ANGPT2: variants seen among roughly 807,000 people sequenced by gnomAD.
ANGPT2 encodes the protein angiopoietin-2.
In ANGPT2, 28 loss-of-function variants were observed where a neutral mutation model predicts 62.9. That is an observed-to-expected ratio of 0.44 (90% CI 0.33 to 0.61). ANGPT2 has a LOEUF of 0.61. ANGPT2 is among the 20% of genes least tolerant of loss of function. ANGPT2 has a pLI of 0.03. For missense variants in ANGPT2, 727 were observed against 594.9 expected, an observed-to-expected ratio of 1.22 and a Z score of -2.31; for synonymous variants, 284 against 207.8, an observed-to-expected ratio of 1.37 and a Z score of -3.15.
At chr8:6,536,283 C>T (rs946419742) in intron 1 of ANGPT2, among the ~76,000 whole-genome samples, 11 of 152,060 alleles carry the variant, frequency 7.2e-5, no homozygotes, top group Non-Finnish European at 1.3e-4. Flanking sequence ...GTATGGGAAT[C>T]GCTGTGTCGG....
At chr8:6,541,032 CCGAGGAGG>C (rs1235525697) in intron 1 of ANGPT2, among the ~76,000 whole-genome samples, 20 of 59,822 alleles carry the variant, frequency 3.3e-4, no homozygotes, top group African/African-American at 7.9e-4. Flanking sequence ...TGCGAGAGTG[CCGAGGAGG>C]CTCTCATGGG....
intron 1 of ANGPT2, among the ~76,000 whole-genome samples, chr8:6,550,586 C>T (rs1823466975): frequency 6.6e-6 from 1 of 152,144 alleles, no homozygotes; most frequent in Non-Finnish European, 1.5e-5. Flanking sequence ...GGTGTGACAG[C>T]TGTGGGCTGT....
At chr8:6,504,550 TTAA>T (rs759262139) in intron 8 of ANGPT2, among the ~76,000 whole-genome samples, 1 of 152,080 alleles carries the variant, frequency 6.6e-6, no homozygotes, top group Non-Finnish European at 1.5e-5. Context: ...CTTATTTGAC[TTAA>T]TAATGGCCCC....
chr8:6,561,866 G>A (rs768732146), intron 1 of ANGPT2, among the ~76,000 whole-genome samples: 10 of 152,168 alleles, frequency 6.6e-5, no homozygotes, highest in Non-Finnish European at 1.0e-4. Context: ...GAAACAGTGG[G>A]ATCATCTGTG....
At position 6,527,679 on chromosome 8, in the gene ANGPT2, A is replaced by G. The variant is rs1240104971; in HGVS notation, c.445-3T>C. On this transcript the variant is annotated splice_polypyrimidine_tract_variant and splice_region_variant and intron_variant, in intron 2 of 8. Coordinates refer to ENST00000629816, the MANE Select transcript of ANGPT2 (RefSeq NM_001118887.2). Reference sequence around the variant, plus strand: ...AGTCTCGTGGTCTGATTTAATACCTAAATGTAACAAAATGAAGTTCCTATT... The same window carrying G: ...AGTCTCGTGGTCTGATTTAATACCTGAATGTAACAAAATGAAGTTCCTATT... The G allele has an allele frequency of 2.5e-6, 4 of 1,597,778 alleles. No homozygotes were observed. The highest frequency in any genetic ancestry group is 1.4e-5 in the African/African-American group (1 of 73,968).
intron 1 of ANGPT2, among the ~76,000 whole-genome samples, chr8:6,537,659 A>C (rs889433558): frequency 2.6e-5 from 4 of 152,116 alleles, no homozygotes; most frequent in African/African-American, 9.7e-5. Flanking sequence ...CAGGAAAAAT[A>C]GGTCCATTTG....
chr8:6,520,400 C>A (rs1232584468), intron 4 of ANGPT2, among the ~76,000 whole-genome samples: 1 of 152,054 alleles, frequency 6.6e-6, no homozygotes, highest in East Asian at 1.9e-4. Flanking sequence ...GTATCATGAC[C>A]CCATTGCCTG....
intron 4 of ANGPT2, among the ~76,000 whole-genome samples, chr8:6,520,473 G>T (rs538718677): frequency 6.6e-6 from 1 of 151,820 alleles, no homozygotes; most frequent in Non-Finnish European, 1.5e-5. Context: ...TCAGCTTACC[G>T]CATCCTCCTC....
chr8:6,540,469 T>C (rs1345826905), intron 1 of ANGPT2, among the ~76,000 whole-genome samples: 1 of 152,226 alleles, frequency 6.6e-6, no homozygotes, highest in Admixed American at 6.5e-5. Context: ...TTAGAGGTCT[T>C]GTAGGGCACA....
At chr8:6,514,569 G>T in intron 6 of ANGPT2, 108 bp downstream of exon 6, 2 of 969,898 alleles carry the variant, frequency 2.1e-6, no homozygotes, top group Non-Finnish European at 3.2e-6. Context: ...TAAAAACCAT[G>T]TCAAAAGTCA....
At chr8:6,530,586 A>G (rs1001187959) in intron 2 of ANGPT2, among the ~76,000 whole-genome samples, 4 of 150,920 alleles carry the variant, frequency 2.7e-5, no homozygotes, top group East Asian at 3.9e-4. Flanking sequence ...CGCTTTAGAT[A>G]TATATTGATA....
rs377585128 is a variant in ANGPT2, at chr8:6,540,360, T to C, written c.289-7873A>G. ...TATTTCTCATCAATAGCAGGCATTT[T>C]AAATATATGTAAGTTTAAGGAGACT... On this transcript the variant is annotated intron_variant, in intron 1 of 8. Transcript: ENST00000629816. Among the ~76,000 whole-genome samples, 5 of 152,358 alleles carry C rather than the reference T, an allele frequency of 3.3e-5. No homozygotes were observed. In the South Asian group the frequency reaches 1.0e-3, roughly 32 times the overall value.
At chr8:6,503,607 C>G (rs758501034) in intron 8 of ANGPT2, among the ~76,000 whole-genome samples, 1 of 152,216 alleles carries the variant, frequency 6.6e-6, no homozygotes, top group Admixed American at 6.5e-5. Context: ...TTGGAAAACT[C>G]TCCTTCAACC....
chr8:6,542,662 G>A (rs1586512842), intron 1 of ANGPT2, among the ~76,000 whole-genome samples: 1 of 151,626 alleles, frequency 6.6e-6, no homozygotes, highest in African/African-American at 2.4e-5. Context: ...TTGAAATGAA[G>A]TATAAAGATA....
At chr8:6,556,494 GTTTAA>G (rs1392585985) in intron 1 of ANGPT2, among the ~76,000 whole-genome samples, 3 of 94,954 alleles carry the variant, frequency 3.2e-5, no homozygotes, top group Non-Finnish European at 6.3e-5. Flanking sequence ...TTTGTGCTGT[GTTTAA>G]TTTCTCATTT....
intron 1 of ANGPT2, among the ~76,000 whole-genome samples, chr8:6,553,489 A>AT (rs1824037753): frequency 6.6e-6 from 1 of 152,020 alleles, no homozygotes; most frequent in Admixed American, 6.6e-5. Context: ...ACACGTCAAC[A>AT]TTTTTTTAAA....
chr8:6,527,776 C>G (rs1818620975), intron 2 of ANGPT2, 100 bp from the exon 3 acceptor site: 1 of 1,128,812 alleles, frequency 8.9e-7, no homozygotes, highest in South Asian at 1.7e-5. Flanking sequence ...GAAAACATAA[C>G]AAAAACATTA....
intron 8 of ANGPT2, among the ~76,000 whole-genome samples, chr8:6,503,769 A>G (rs2129563625): frequency 6.6e-6 from 1 of 152,336 alleles, no homozygotes; most frequent in East Asian, 1.9e-4. Flanking sequence ...TTCAGAGACA[A>G]AAAGGAAATT....
intron 5 of ANGPT2, among the ~76,000 whole-genome samples, chr8:6,515,687 A>G (rs1816133350): frequency 6.6e-6 from 1 of 152,250 alleles, no homozygotes; most frequent in African/African-American, 2.4e-5. Context: ...CATGTTTTCC[A>G]GAAAGTAAGA....
Sources: gnomAD v4.1 joint callset for allele counts (sites outside exome capture counted in the v4.1 genomes callset) on GRCh38, gnomAD v4.1.1 for gene constraint, MANE v1.5 for transcripts, NCBI Gene and HGNC (gene_info 2026-07-23, HGNC 2026-07-21) for gene names.